GPNMB: variants seen among roughly 807,000 people sequenced by gnomAD.
GPNMB encodes the protein glycoprotein nmb, also known as transmembrane glycoprotein NMB.
GPNMB carries 71 observed loss-of-function variants against 57.3 expected under a neutral mutation model. The observed-to-expected ratio is 1.24, with a 90% CI of 1.02 to 1.51. The LOEUF is 1.51. Ranked by LOEUF, GPNMB falls within the 40% of genes most tolerant of loss-of-function variation. The probability of loss-of-function intolerance (pLI) is 0.00; values close to 1 mark genes in which losing one functional copy is unlikely to be tolerated. For synonymous variants in GPNMB, 253 were observed against 263.2 expected (o/e 0.96, Z 0.38); for missense variants, 677 against 691.9 (o/e 0.98, Z 0.24).
intron 4 of GPNMB, among the ~76,000 whole-genome samples, chr7:23,259,150 T>C (rs1782850450): frequency 6.6e-6 from 1 of 152,184 alleles, no homozygotes; most frequent in African/African-American, 2.4e-5. Context: ...CCATTCTGTT[T>C]TATGTCTGCC....
chr7:23,260,969 G>A (rs1326883980), intron 6 of GPNMB, among the ~76,000 whole-genome samples, 196 bp downstream of exon 6: 1 of 152,198 alleles, frequency 6.6e-6, no homozygotes, highest in East Asian at 1.9e-4. Flanking sequence ...AAGAATGTAT[G>A]TAAAGTCACT....
chr7:23,261,401 A>G (rs535485268), intron 6 of GPNMB, among the ~76,000 whole-genome samples: 1 of 152,360 alleles, frequency 6.6e-6, no homozygotes, highest in South Asian at 2.1e-4. Context: ...TCAATGATAG[A>G]CTGGATTAAG....
chr7:23,257,886 T>C (rs1782819938), intron 4 of GPNMB: 1 of 152,236 alleles, frequency 6.6e-6, no homozygotes, highest in Non-Finnish European at 1.5e-5. Context: ...TATGGTGTTT[T>C]CTTTGCTAGT....
At chr7:23,258,458 G>C (rs1193109584) in intron 4 of GPNMB, among the ~76,000 whole-genome samples, 1 of 152,050 alleles carries the variant, frequency 6.6e-6, no homozygotes, top group Non-Finnish European at 1.5e-5. Context: ...ACATTTCTTT[G>C]ACTTGTCACT....
intron 1 of GPNMB, among the ~76,000 whole-genome samples, chr7:23,252,921 A>C (rs1782691884): frequency 6.6e-6 from 1 of 152,152 alleles, no homozygotes; most frequent in African/African-American, 2.4e-5. Context: ...TGAGCCTGGC[A>C]TTCCTTTAGC....
In GPNMB at chr7:23,273,584, T is replaced by C; in HGVS notation, c.1493T>C (p.Phe498Ser). ...ALISVGCLAIFVTVISLLVYK... is the reference protein window; with the variant it reads ...ALISVGCLAISVTVISLLVYK... Reference sequence around the variant, plus strand: ...ATCTCCGTTGGCTGCTTGGCCATATTTGTCACTGTGATCTCCCTCTTGGTG... The same window carrying C: ...ATCTCCGTTGGCTGCTTGGCCATATCTGTCACTGTGATCTCCCTCTTGGTG... The change falls in exon 10 of 11, where the codon TTT (phenylalanine) becomes TCT (serine). Residue 498 changes from phenylalanine to serine, a missense_variant. Transcript: ENST00000258733. 6.2e-7 allele frequency: 1 copy of C among 1,613,280 alleles called. No individual in the cohort carries two copies. Among genetic ancestry groups the C allele is most frequent in the Non-Finnish European group, 8.5e-7 (1 of 1,179,192 alleles).
At position 23,260,788 on chromosome 7, in the gene GPNMB, T is replaced by A. The variant is rs1562638374; in HGVS notation, c.1018+15T>A. 1 of 1,504,688 alleles carries A rather than the reference T, an allele frequency of 6.6e-7. No homozygotes were observed. The highest frequency in any genetic ancestry group is 8.9e-7 in the Non-Finnish European group (1 of 1,128,484). 93.2% of individuals were successfully genotyped at this position (1,504,688 alleles called of 1,614,324 possible). A position where few individuals can be genotyped will look rare whatever the true frequency, so the allele number is the denominator to read the frequency against. On this transcript the variant is annotated intron_variant, in intron 6 of 10. Transcript: ENST00000258733. The stretch of plus-strand genomic sequence containing the variant: ...CCCTTCTTTAGGTAAGGTTTCGCAG[T>A]GATCTTTGAGGGAGGCTCCTTAATG...
intron 7 of GPNMB, 33 bp downstream of exon 7, chr7:23,266,648 A>G: frequency 6.2e-7 from 1 of 1,605,528 alleles, no homozygotes; most frequent in Non-Finnish European, 8.5e-7. Context: ...GTGAGGAAGG[A>G]TGCTAGACTC....
At chr7:23,260,923 T>C in intron 6 of GPNMB, 150 bp downstream of exon 6, 1 of 567,812 alleles carries the variant, frequency 1.8e-6, no homozygotes, top group Non-Finnish European at 2.9e-6. Flanking sequence ...AAAGCAAAGT[T>C]ATCACCATTT....
chr7:23,265,411 T>A (rs1034852434), intron 6 of GPNMB, among the ~76,000 whole-genome samples: 2 of 152,250 alleles, frequency 1.3e-5, no homozygotes, highest in African/African-American at 4.8e-5. Context: ...TTTCTAGATT[T>A]TTTATCTTGC....
chr7:23,273,181 G>A, intron 9 of GPNMB: 1 of 213,740 alleles, frequency 4.7e-6, no homozygotes, highest in Non-Finnish European at 9.2e-6. Flanking sequence ...TAGAAGGTAA[G>A]TAGAGAGAGA....
At position 23,270,010 on chromosome 7, in the gene GPNMB, G is replaced by T; in HGVS notation, c.1264G>T (p.Glu422Ter). ...VCTIISDPTCEITQNTVCSPV... is the reference protein window; with the variant it reads ...VCTIISDPTC ...TACCATCATTTCTGACCCCACCTGC[G>T]AGATCACCCAGAACACAGTCTGCAG... The change falls in exon 9 of 11, where the codon GAG becomes TAG. Residue 422 changes from glutamate to a stop codon, truncating the protein, a stop_gained. Transcript: ENST00000258733. LOFTEE classifies it high-confidence loss of function. 1 of 1,614,060 alleles carries T rather than the reference G, an allele frequency of 6.2e-7. No individual in the cohort carries two copies. Among genetic ancestry groups the T allele is most frequent in the Non-Finnish European group, 8.5e-7 (1 of 1,180,004 alleles).
At chr7:23,257,293 A>G (rs1220763422) in intron 4 of GPNMB, 2 of 594,438 alleles carry the variant, frequency 3.4e-6, no homozygotes, top group Non-Finnish European at 6.0e-6. Flanking sequence ...CAAAAAGATT[A>G]AGCTCTTTTT....
intron 8 of GPNMB, among the ~76,000 whole-genome samples, chr7:23,269,462 A>G (rs1783146397): frequency 6.6e-6 from 1 of 152,232 alleles, no homozygotes. Context: ...CTCACTCAGA[A>G]CAAAGGTCTC....
intron 6 of GPNMB, among the ~76,000 whole-genome samples, chr7:23,265,849 G>T (rs1426183727): frequency 6.6e-6 from 1 of 150,448 alleles, no homozygotes; most frequent in Non-Finnish European, 1.5e-5. Context: ...AGGGAAGCTG[G>T]AATTTGAGCC....
chr7:23,269,237 T>A (rs914426435), intron 8 of GPNMB, among the ~76,000 whole-genome samples: 3 of 151,808 alleles, frequency 2.0e-5, no homozygotes, highest in Non-Finnish European at 2.9e-5. Context: ...AATACAAAAA[T>A]TAGCCAGGAG....
intron 4 of GPNMB, 66 bp downstream of exon 4, chr7:23,257,131 T>G (rs757070965): frequency 1.5e-6 from 2 of 1,341,858 alleles, no homozygotes; most frequent in South Asian, 2.3e-5. Flanking sequence ...TTCTCTTTTC[T>G]TACTCTATAA....
rs551070823 is a variant in GPNMB at position 23,268,746 on chromosome 7, TG to T, written c.1220+762del. Among the ~76,000 whole-genome samples the T allele has an allele frequency of 5.6e-3, 846 of 152,232 alleles. 3 individuals carry two copies. The highest frequency in any genetic ancestry group is 0.02 in the African/African-American group (816 of 41,530). ...AGAAGAGCTAAGAAGCTCTCCACCT[TG>T]GGGAGAGGACCAGAATGAGGGTGAG... On this transcript the variant is annotated intron_variant, in intron 8 of 10. Coordinates refer to ENST00000258733, the MANE Select transcript of GPNMB (RefSeq NM_002510.3).
chr7:23,270,375 G>A (rs1783172961), intron 9 of GPNMB, among the ~76,000 whole-genome samples, 200 bp downstream of exon 9: 1 of 152,122 alleles, frequency 6.6e-6, no homozygotes, highest in Admixed American at 6.5e-5. Flanking sequence ...GAGACATCTG[G>A]TGAAATAGTG....
Sources: gnomAD v4.1 joint callset for allele counts (sites outside exome capture counted in the v4.1 genomes callset) on GRCh38, gnomAD v4.1.1 for gene constraint, MANE v1.5 for transcripts, NCBI Gene and HGNC (gene_info 2026-07-23, HGNC 2026-07-21) for gene names.